The following DENND4C variants were observed in gnomAD, a reference collection of about 807,000 sequenced individuals.
The protein encoded by DENND4C is DENN domain-containing protein 4C.
Under a neutral mutation model 203.0 loss-of-function variants are expected in DENND4C, and 108 were observed. That is an observed-to-expected ratio of 0.53 (90% CI 0.46 to 0.62). The LOEUF (loss-of-function observed/expected upper bound fraction) is 0.62. DENND4C is among the 20% of genes least tolerant of loss of function. The probability of loss-of-function intolerance (pLI) is 0.00; values close to 1 mark genes in which losing one functional copy is unlikely to be tolerated. For missense variants in DENND4C, 2,481 were observed against 2,301.2 expected (o/e 1.08, Z -1.60); for synonymous variants, 871 against 792.4 (o/e 1.10, Z -1.67).
intron 9 of DENND4C, among the ~76,000 whole-genome samples, chr9:19,303,011 T>TC (rs1470221433): frequency 1.3e-5 from 2 of 151,860 alleles, no homozygotes; most frequent in African/African-American, 4.9e-5. Context: ...TTTTTTTTTT[T>TC]CATAGCACTT....
chr9:19,236,278 T>G (rs994041295), intron 1 of DENND4C, among the ~76,000 whole-genome samples: 1 of 152,142 alleles, frequency 6.6e-6, no homozygotes, highest in Admixed American at 6.5e-5. Flanking sequence ...ACAACAAATA[T>G]AGAATGGAGC....
At chr9:19,298,231 T>C (rs1227589029) in intron 7 of DENND4C, 109 bp downstream of exon 7, 12 of 916,308 alleles carry the variant, frequency 1.3e-5, no homozygotes, top group Non-Finnish European at 2.0e-5. Context: ...TATGCATTCA[T>C]AAAGTCCTTG....
rs1030831419 is a variant in DENND4C at position 19,372,274 on chromosome 9, G to A, written c.*101G>A. On this transcript the variant is annotated 3_prime_UTR_variant, in exon 33 of 33. Coordinates refer to ENST00000434457, the MANE Select transcript of DENND4C (RefSeq NM_001330640.2). ...CCAAATCGTAAGAACTGGTGAATAC[G>A]GAATTGAAGTAACTCTTGGGGACAA... 39 of 1,391,258 alleles carry A rather than the reference G, an allele frequency of 2.8e-5. No individual in the cohort carries two copies. Among genetic ancestry groups the A allele is most frequent in the South Asian group, 9.9e-5 (7 of 71,062 alleles). 86.2% of individuals were successfully genotyped at this position (1,391,258 alleles called of 1,614,324 possible).
intron 31 of DENND4C, 180 bp downstream of exon 31, chr9:19,370,167 G>T: frequency 1.3e-6 from 1 of 749,410 alleles, no homozygotes; most frequent in South Asian, 1.7e-5. Flanking sequence ...CATAATAAAA[G>T]TGTCTGGGGG....
rs369670247 is a variant in DENND4C at position 19,242,579 on chromosome 9, G to A, written c.-18+11746G>A. On this transcript the variant is annotated intron_variant, in intron 1 of 32. Coordinates refer to ENST00000434457, the MANE Select transcript of DENND4C (RefSeq NM_001330640.2). ...AGAGTTCCTGTTCGCATTTTCATTCGTATTTGGTATTGTCAGTTTTTTTGA... is the reference window on the plus strand; with the variant it reads ...AGAGTTCCTGTTCGCATTTTCATTCATATTTGGTATTGTCAGTTTTTTTGA... Among the ~76,000 whole-genome samples the A allele has an allele frequency of 9.2e-5, 14 of 151,898 alleles. No individual in the cohort carries two copies. The East Asian group carries it at 1.4e-3, about 15-fold the overall frequency.
In DENND4C at chr9:19,353,739, C is replaced by G. The variant is rs1430789922; in HGVS notation, c.4781+1074C>G. On this transcript the variant is annotated intron_variant, in intron 26 of 32. Coordinates refer to ENST00000434457, the MANE Select transcript of DENND4C (RefSeq NM_001330640.2). Reference sequence around the variant, plus strand: ...CTTGAGGTCAGGAGTTCGAGACCAGCCTGGGCAACATGGCAAAACCCCATC... The same window carrying G: ...CTTGAGGTCAGGAGTTCGAGACCAGGCTGGGCAACATGGCAAAACCCCATC... Among the ~76,000 whole-genome samples the G allele has an allele frequency of 2.6e-5, 4 of 152,230 alleles. No individual in the cohort carries two copies. The East Asian group carries it at 5.8e-4, about 22-fold the overall frequency.
At chr9:19,318,559 A>C (rs943055629) in intron 12 of DENND4C, among the ~76,000 whole-genome samples, 4 of 152,232 alleles carry the variant, frequency 2.6e-5, no homozygotes, top group African/African-American at 9.6e-5. Context: ...TGGGGCTGCC[A>C]TAACAAAGTA....
intron 9 of DENND4C, among the ~76,000 whole-genome samples, chr9:19,300,856 A>T (rs770007827): frequency 3.9e-5 from 6 of 152,220 alleles, no homozygotes; most frequent in South Asian, 2.1e-4. Context: ...TTCCCTGCTT[A>T]AAACCCTTTG....
At chr9:19,265,472 A>T (rs1489798830) in intron 1 of DENND4C, among the ~76,000 whole-genome samples, 1 of 150,614 alleles carries the variant, frequency 6.6e-6, no homozygotes, top group African/African-American at 2.4e-5. Context: ...TTTTTATTAT[A>T]CTTTAAGTTC....
chr9:19,307,225 C>A (rs983655938), intron 10 of DENND4C, among the ~76,000 whole-genome samples: 1 of 151,634 alleles, frequency 6.6e-6, no homozygotes, highest in African/African-American at 2.4e-5. Context: ...TGGTGAGACT[C>A]CATCTACATA....
intron 1 of DENND4C, among the ~76,000 whole-genome samples, chr9:19,233,379 A>G (rs1227234580): frequency 1.3e-5 from 2 of 152,204 alleles, no homozygotes; most frequent in African/African-American, 4.8e-5. Flanking sequence ...GATTTTGCAT[A>G]GTACAGCTGG....
Position 19,347,058 on chromosome 9 carries a change from C to G in DENND4C, c.4289C>G (p.Ala1430Gly), listed in dbSNP as rs748670959. The G allele has an allele frequency of 6.2e-7, 1 of 1,613,832 alleles. No individual in the cohort carries two copies. Among genetic ancestry groups the G allele is most frequent in the Non-Finnish European group, 8.5e-7 (1 of 1,179,864 alleles). Residue 1430 changes from alanine to glycine, a missense_variant, in exon 23 of 33, where the codon GCG (alanine) becomes GGG (glycine). This residue lies in a region of DENND4C where 2,289 missense variants were observed against 2,113.3 expected (regional missense o/e 1.08). Coordinates refer to ENST00000434457, the MANE Select transcript of DENND4C (RefSeq NM_001330640.2). The stretch of plus-strand genomic sequence containing the variant: ...GCCAGTAAGATGTGGGTAGCTGTTG[C>G]GTCTGCCTACAGCTACTCAGATGAT... ...TVASKMWVAV[A>G]SAYSYSDDEE... is the part of the protein sequence containing the mutation.
intron 20 of DENND4C, among the ~76,000 whole-genome samples, chr9:19,337,055 T>G (rs1461258012): frequency 6.6e-6 from 1 of 152,208 alleles, no homozygotes; most frequent in Admixed American, 6.5e-5. Flanking sequence ...ATGATGCTTC[T>G]TTGTATTTGT....
chr9:19,326,263 A>G (rs980041100), intron 15 of DENND4C, 69 bp downstream of exon 15: 1 of 1,497,022 alleles, frequency 6.7e-7, no homozygotes, highest in Non-Finnish European at 9.0e-7. Context: ...ATTAGTAGAT[A>G]TGTATATTAG....
intron 1 of DENND4C, among the ~76,000 whole-genome samples, chr9:19,250,940 G>A (rs1366421678): frequency 1.3e-5 from 2 of 152,222 alleles, no homozygotes; most frequent in African/African-American, 4.8e-5. Flanking sequence ...GCTTTTCCAG[G>A]AGAACGATGC....
At chr9:19,352,017 T>C (rs1824257093) in intron 24 of DENND4C, 56 bp from the exon 25 acceptor site, 6 of 1,478,796 alleles carry the variant, frequency 4.1e-6, no homozygotes, top group Non-Finnish European at 4.7e-6. Context: ...GGCATGCATT[T>C]TCAAAAAACA....
At chr9:19,237,478 A>G (rs1243507312) in intron 1 of DENND4C, among the ~76,000 whole-genome samples, 7 of 151,696 alleles carry the variant, frequency 4.6e-5, no homozygotes, top group African/African-American at 1.7e-4. Flanking sequence ...CAGTCTCCCG[A>G]GTAGCTGGGA....
chr9:19,331,434 C>G (rs1819146199), intron 16 of DENND4C, among the ~76,000 whole-genome samples: 1 of 152,080 alleles, frequency 6.6e-6, no homozygotes, highest in Admixed American at 6.5e-5. Context: ...ATCTCCTGAC[C>G]TCGTGATCCA....
intron 4 of DENND4C, among the ~76,000 whole-genome samples, chr9:19,290,322 A>G (rs943451798): frequency 2.2e-4 from 33 of 152,120 alleles, no homozygotes; most frequent in African/African-American, 8.0e-4. Context: ...ATTTCATAAC[A>G]CTTGTCTCTT....
Sources: gnomAD v4.1 joint callset for allele counts (sites outside exome capture counted in the v4.1 genomes callset) on GRCh38, gnomAD v4.1.1 for gene constraint, gnomAD v4.1.1 regional missense constraint, MANE v1.5 for transcripts, NCBI Gene and HGNC (gene_info 2026-07-23, HGNC 2026-07-21) for gene names.